Variants in HAGH observed in about 807,000 individuals in gnomAD.
HAGH encodes the protein hydroxyacylglutathione hydrolase, also known as hydroxyacylglutathione hydrolase, mitochondrial.
Under a neutral mutation model 35.1 loss-of-function variants are expected in HAGH, and 29 were observed. That is an observed-to-expected ratio of 0.83 (90% CI 0.62 to 1.13). The LOEUF is 1.13. Among genes scored for constraint, HAGH ranks in the 50% most tolerant of loss-of-function variants. The pLI is 0.00. For synonymous variants in HAGH, 225 were observed against 176.1 expected (o/e 1.28, Z -2.20); for missense variants, 478 against 419.6 (o/e 1.14, Z -1.22).
In HAGH at chr16:1,808,323, C is replaced by G. The variant is rs1301233473; in HGVS notation, c.*960G>C. 3.3e-5 allele frequency: 5 copies of G among 150,264 alleles called. No homozygotes were observed. Among genetic ancestry groups the G allele is most frequent in the Non-Finnish European group, 5.9e-5 (4 of 67,646 alleles). The allele number at this position is 150,264 out of a possible 1,614,324, so 9.3% of individuals were successfully genotyped here. ...ATTTCATATTTTTTTTTTTTTGAGA[C>G]AGAGTCTTGCTCTGTCTCCCAGGCT... On this transcript the variant is annotated 3_prime_UTR_variant, in exon 9 of 9. Coordinates refer to ENST00000397356, the MANE Select transcript of HAGH (RefSeq NM_005326.6).
At chr16:1,820,467 ACT>A (rs1302061318) in intron 3 of HAGH, among the ~76,000 whole-genome samples, 1 of 150,606 alleles carries the variant, frequency 6.6e-6, no homozygotes, top group Non-Finnish European at 1.5e-5. Flanking sequence ...GTGGCCCGAC[ACT>A]CTGGCAGGAG....
intron 4 of HAGH, among the ~76,000 whole-genome samples, chr16:1,819,605 A>C (rs2076455): frequency 0.23 from 35,617 of 151,972 alleles, 4,204 homozygotes; most frequent in South Asian, 0.29. Context: ...GGCTGAAGAC[A>C]CCCTCGCAGG....
At chr16:1,815,011 C>T (rs1347615455) in intron 7 of HAGH, among the ~76,000 whole-genome samples, 2 of 151,774 alleles carry the variant, frequency 1.3e-5, no homozygotes, top group Non-Finnish European at 1.5e-5. Flanking sequence ...GGAACTCTTA[C>T]AAGAGCAGCC....
chr16:1,812,769 ACTG>A (rs1260638937), intron 7 of HAGH, among the ~76,000 whole-genome samples: 4 of 152,254 alleles, frequency 2.6e-5, no homozygotes, highest in African/African-American at 4.8e-5. Context: ...CTCAAAAGAT[ACTG>A]CTAAGAAAAC....
chr16:1,826,256 G>C (rs887857341), intron 1 of HAGH, among the ~76,000 whole-genome samples: 35 of 151,610 alleles, frequency 2.3e-4, no homozygotes, highest in Non-Finnish European at 1.0e-4. Context: ...GTCCCCAGAC[G>C]GGGGCTCCGG....
intron 7 of HAGH, among the ~76,000 whole-genome samples, chr16:1,812,864 T>A (rs1301521653): frequency 6.6e-6 from 1 of 151,962 alleles, no homozygotes; most frequent in Non-Finnish European, 1.5e-5. Context: ...TTCAAACGGC[T>A]GGCTCCACCG....
chr16:1,814,011 T>C (rs1443225056), intron 7 of HAGH, among the ~76,000 whole-genome samples: 3 of 152,178 alleles, frequency 2.0e-5, no homozygotes, highest in Non-Finnish European at 4.4e-5. Flanking sequence ...GGTGAACCTC[T>C]ACCCTCACCT....
intron 4 of HAGH, 33 bp from the exon 5 acceptor site, chr16:1,819,256 A>G: frequency 2.1e-6 from 3 of 1,406,714 alleles, no homozygotes; most frequent in African/African-American, 2.8e-5. Context: ...GTGTGCTCCC[A>G]GACACCCTGG....
intron 7 of HAGH, chr16:1,810,421 A>G (rs879438335): frequency 6.5e-6 from 1 of 153,298 alleles, no homozygotes; most frequent in Non-Finnish European, 1.5e-5. Flanking sequence ...AGAAACCGCC[A>G]CAGCTGCAGC....
At chr16:1,815,438 T>C (rs1415802134) in intron 7 of HAGH, among the ~76,000 whole-genome samples, 1 of 152,212 alleles carries the variant, frequency 6.6e-6, no homozygotes. Context: ...ATAAACAAAT[T>C]GTAGCATTTC....
chr16:1,826,590 C>T, intron 1 of HAGH, 122 bp downstream of exon 1: 1 of 982,400 alleles, frequency 1.0e-6, no homozygotes, highest in South Asian at 4.6e-5. Context: ...CCCGGCAGCG[C>T]GGCCTTAGGC....
At chr16:1,822,223 A>T in intron 3 of HAGH, 77 bp downstream of exon 3, 1 of 872,044 alleles carries the variant, frequency 1.1e-6, no homozygotes. Flanking sequence ...GGGGGGAGAC[A>T]GGCCTTGATG....
chr16:1,821,952 G>T (rs2575344), intron 3 of HAGH: 9,120 of 103,798 alleles, frequency 0.088, 734 homozygotes, highest in African/African-American at 0.25. Context: ...TTGTTTTTTT[G>T]TTTTTTTTTT....
At chr16:1,824,157 A>G (rs1262783774) in intron 1 of HAGH, among the ~76,000 whole-genome samples, 4 of 151,500 alleles carry the variant, frequency 2.6e-5, no homozygotes, top group Admixed American at 1.3e-4. Context: ...GGGAGGTGAA[A>G]GTTTCAGTGA....
In HAGH at chr16:1,808,966, G is replaced by T; in HGVS notation, c.*317C>A. The T allele has an allele frequency of 3.0e-6, 1 of 336,240 alleles. No homozygotes were observed. The highest frequency in any genetic ancestry group is 5.5e-6 in the Non-Finnish European group (1 of 182,456). The allele number at this position is 336,240 out of a possible 1,614,324, so 20.8% of individuals were successfully genotyped here. The stretch of plus-strand genomic sequence containing the variant: ...GACAGTCCCATCAGCACCCAGCCAA[G>T]GCCACAGCAAAGGCACCGGCTCACG... On this transcript the variant is annotated 3_prime_UTR_variant, in exon 9 of 9. Transcript: ENST00000397356.
chr16:1,826,123 T>C (rs1898400146), intron 1 of HAGH, among the ~76,000 whole-genome samples: 1 of 152,186 alleles, frequency 6.6e-6, no homozygotes, highest in Admixed American at 6.5e-5. Flanking sequence ...CGGCGAGATC[T>C]GGAAACCGCC....
chr16:1,826,330 A>C (rs1898416408), intron 1 of HAGH, among the ~76,000 whole-genome samples: 1 of 150,364 alleles, frequency 6.7e-6, no homozygotes, highest in Non-Finnish European at 1.5e-5. Context: ...GCAGCGGGGC[A>C]GCAGGTGCGG....
At chr16:1,826,093 T>C (rs1238565275) in intron 1 of HAGH, among the ~76,000 whole-genome samples, 1 of 152,198 alleles carries the variant, frequency 6.6e-6, no homozygotes, top group Non-Finnish European at 1.5e-5. Flanking sequence ...TTCTACCCCC[T>C]GCAGAGCCTT....
intron 7 of HAGH, among the ~76,000 whole-genome samples, chr16:1,816,567 T>C (rs1180836398): frequency 6.6e-6 from 1 of 152,200 alleles, no homozygotes; most frequent in African/African-American, 2.4e-5. Flanking sequence ...ATAAGAGTCC[T>C]TTGGACACAG....
Sources: allele counts gnomAD v4.1 joint callset (sites outside exome capture counted in the v4.1 genomes callset), GRCh38; gene constraint gnomAD v4.1.1; transcripts MANE v1.5; gene names NCBI Gene and HGNC (gene_info 2026-07-23, HGNC 2026-07-21).